RAB1B: variants seen among roughly 807,000 people sequenced by gnomAD.
RAB1B encodes ras-related protein Rab-1B.
RAB1B carries 10 observed loss-of-function variants against 24.8 expected under a neutral mutation model. That is an observed-to-expected ratio of 0.40 (90% confidence interval 0.25 to 0.68). The LOEUF (loss-of-function observed/expected upper bound fraction) is 0.68. Ranked by LOEUF, RAB1B falls within the 30% of genes least tolerant of loss-of-function variation. RAB1B has a pLI of 0.37. For synonymous variants in RAB1B, 99 were observed against 111.7 expected, an observed-to-expected ratio of 0.89 and a Z score of 0.72; for missense variants, 154 against 271.2, an observed-to-expected ratio of 0.57 and a Z score of 3.04.
chr11:66,269,460 G>C (rs1221100423), intron 1 of RAB1B, among the ~76,000 whole-genome samples: 4 of 152,212 alleles, frequency 2.6e-5, no homozygotes, highest in Admixed American at 2.0e-4. Context: ...CACTCCCCCT[G>C]CGGGTAGGTG....
intron 1 of RAB1B, 97 bp from the exon 2 acceptor site, chr11:66,271,700 T>G: frequency 3.7e-6 from 3 of 819,200 alleles, no homozygotes; most frequent in Non-Finnish European, 4.2e-6. Context: ...AACCAAGGGA[T>G]GCCTCATGGG....
At chr11:66,268,843 C>G (rs1353921457) in intron 1 of RAB1B, 150 bp downstream of exon 1, 2 of 811,942 alleles carry the variant, frequency 2.5e-6, no homozygotes, top group East Asian at 3.9e-5. Context: ...CATCCGGGTT[C>G]TGCCCCTCCC....
rs750571114 is a variant in RAB1B, at chr11:66,272,320, A to ACTCTGGAC, written c.184-41_184-34dup. Reference sequence around the variant, plus strand: ...ACCTTGGGAGGGAAGGGACTCTGGGACTCTGGACCTCAGCTGACCTGCTCC... The same window carrying ACTCTGGAC: ...ACCTTGGGAGGGAAGGGACTCTGGGACTCTGGACCTCTGGACCTCAGCTGACCTGCTCC... On this transcript the variant is annotated intron_variant, in intron 3 of 5. Coordinates refer to ENST00000311481, the MANE Select transcript of RAB1B (RefSeq NM_030981.3). 14 of 1,603,426 alleles carry ACTCTGGAC rather than the reference A, an allele frequency of 8.7e-6. No individual in the cohort carries two copies. In the East Asian group the frequency reaches 2.9e-4, roughly 33 times the overall value.
chr11:66,276,480 G>C lies in RAB1B; in HGVS notation c.*242G>C, dbSNP rs191763879. Reference sequence around the variant, plus strand: ...CAGGGCGGAGGCCTGCTGTGCTGTTGCCTCTAGGTGACTTTCCAAGATGCC... The same window carrying C: ...CAGGGCGGAGGCCTGCTGTGCTGTTCCCTCTAGGTGACTTTCCAAGATGCC... On this transcript the variant is annotated 3_prime_UTR_variant, in exon 6 of 6. Transcript: ENST00000311481. 19 of 493,546 alleles carry C rather than the reference G, an allele frequency of 3.8e-5. 1 individual carries two copies. In the Admixed American group the frequency reaches 6.3e-4, roughly 16 times the overall value. The allele number at this position is 493,546 out of a possible 1,614,324, so 30.6% of individuals were successfully genotyped here. A position where few individuals can be genotyped will look rare whatever the true frequency, so the allele number is the denominator to read the frequency against.
chr11:66,271,795 A>G lies in RAB1B; in HGVS notation c.15-2A>G. 1 of 1,613,382 alleles carries G rather than the reference A, an allele frequency of 6.2e-7. No homozygotes were observed. The highest frequency in any genetic ancestry group is 8.5e-7 in the Non-Finnish European group (1 of 1,179,340). ...TCACGCCTTCCCATCTTCTCTCTCC[A>G]GTGACTACCTGTTTAAGCTGCTTTT... is the stretch of plus-strand genomic sequence containing the variant. On this transcript the variant is annotated splice_acceptor_variant, in intron 1 of 5. Transcript: ENST00000311481. LOFTEE classifies it high-confidence loss of function.
intron 1 of RAB1B, chr11:66,271,368 A>T (rs1339291348): frequency 6.3e-6 from 1 of 157,760 alleles, no homozygotes; most frequent in Non-Finnish European, 1.4e-5. Flanking sequence ...GGTGCCTGTA[A>T]TCCCAGCTAC....
intron 1 of RAB1B, 80 bp from the exon 2 acceptor site, chr11:66,271,717 G>A: frequency 1.0e-6 from 1 of 982,776 alleles, no homozygotes; most frequent in South Asian, 1.3e-5. Flanking sequence ...TGGGGTGGGG[G>A]AATCCTGTAA....
chr11:66,273,426 C>T (rs781555562), intron 4 of RAB1B, among the ~76,000 whole-genome samples: 1 of 152,198 alleles, frequency 6.6e-6, no homozygotes, highest in Non-Finnish European at 1.5e-5. Flanking sequence ...CCTCTCGTGG[C>T]TTTGGACACT....
intron 1 of RAB1B, 139 bp from the exon 2 acceptor site, chr11:66,271,658 G>C (rs762666024): frequency 3.2e-6 from 2 of 620,428 alleles, no homozygotes; most frequent in African/African-American, 1.8e-5. Flanking sequence ...GTGACAGAGT[G>C]AGACCTTATT....
intron 4 of RAB1B, among the ~76,000 whole-genome samples, chr11:66,273,220 A>C (rs773092933): frequency 6.6e-5 from 10 of 152,208 alleles, no homozygotes; most frequent in Non-Finnish European, 1.2e-4. Flanking sequence ...CCAATCCCTG[A>C]AGATAAGGAG....
chr11:66,273,954 C>T (rs994317228), intron 4 of RAB1B, among the ~76,000 whole-genome samples: 2 of 152,140 alleles, frequency 1.3e-5, no homozygotes, highest in East Asian at 3.9e-4. Context: ...CCCAAACCAG[C>T]GCCTCTATCC....
In RAB1B at chr11:66,276,133, T is replaced by G; in HGVS notation, c.501T>G (p.Ala167=). 1 of 1,613,422 alleles carries G rather than the reference T, an allele frequency of 6.2e-7. No homozygotes were observed. The highest frequency in any genetic ancestry group is 1.1e-5 in the South Asian group (1 of 90,942). ...NVEQAFMTMA[A]EIKKRMGPGA... Reference sequence around the variant, plus strand: ...AGCAGGCGTTCATGACCATGGCTGCTGAAATCAAAAAGCGGATGGGGCCTG... The same window carrying G: ...AGCAGGCGTTCATGACCATGGCTGCGGAAATCAAAAAGCGGATGGGGCCTG... Residue 167 remains alanine (A), a synonymous_variant, in exon 6 of 6, where the codon GCT becomes GCG. Coordinates refer to ENST00000311481, the MANE Select transcript of RAB1B (RefSeq NM_030981.3).
In RAB1B at chr11:66,268,745, G is replaced by C. The variant is rs776227148; in HGVS notation, c.14+52G>C. The C allele has an allele frequency of 9.9e-6, 15 of 1,520,162 alleles. No individual in the cohort carries two copies. In the South Asian group the frequency reaches 1.1e-4, roughly 11 times the overall value. 94.2% of individuals were successfully genotyped at this position (1,520,162 alleles called of 1,614,324 possible). A position where few individuals can be genotyped will look rare whatever the true frequency, so the allele number is the denominator to read the frequency against. ...AGCGCAGCCTCGATCCCGAATACAGGGCTGTACGCTTACCGGGGTTGTCTG... is the reference window on the plus strand; with the variant it reads ...AGCGCAGCCTCGATCCCGAATACAGCGCTGTACGCTTACCGGGGTTGTCTG... On this transcript the variant is annotated intron_variant, in intron 1 of 5. Transcript: ENST00000311481.
intron 1 of RAB1B, chr11:66,270,880 G>T (rs1857045913): frequency 6.6e-6 from 1 of 152,264 alleles, no homozygotes; most frequent in African/African-American, 2.4e-5. Flanking sequence ...ATCAGGTTAG[G>T]ATACCCAGCT....
intron 2 of RAB1B, 119 bp downstream of exon 2, chr11:66,271,988 C>T: frequency 3.1e-6 from 3 of 966,488 alleles, no homozygotes; most frequent in Non-Finnish European, 5.1e-6. Context: ...AGCTGTAAGA[C>T]CTGCCACCAG....
At position 66,276,267 on chromosome 11, in the gene RAB1B, G is replaced by C; in HGVS notation, c.*29G>C. The C allele has an allele frequency of 6.5e-7, 1 of 1,533,320 alleles. No individual in the cohort carries two copies. The highest frequency in any genetic ancestry group is 2.4e-5 in the Admixed American group (1 of 42,166). The allele number at this position is 1,533,320 out of a possible 1,614,324, so 95.0% of individuals were successfully genotyped here. A position where few individuals can be genotyped will look rare whatever the true frequency, so the allele number is the denominator to read the frequency against. ...GGGCACATGGAGTGGGACAGGAGGG[G>C]GCACCTTCTCCAGATGATGTCCCTG... On this transcript the variant is annotated 3_prime_UTR_variant, in exon 6 of 6. Transcript: ENST00000311481.
At position 66,269,310 on chromosome 11, in the gene RAB1B, G is replaced by T. The variant is rs947265191; in HGVS notation, c.14+617G>T. Among the ~76,000 whole-genome samples, 5 of 152,060 alleles carry T rather than the reference G, an allele frequency of 3.3e-5. No homozygotes were observed. In the East Asian group the frequency reaches 9.7e-4, roughly 29 times the overall value. ...GTCCGTCCTTTCCCGCCCTCTCCTC[G>T]CTTTTGCTCAGGCCCCCAACGCCAC... On this transcript the variant is annotated intron_variant, in intron 1 of 5. Coordinates refer to ENST00000311481, the MANE Select transcript of RAB1B (RefSeq NM_030981.3).
In RAB1B at chr11:66,272,456, A is replaced by G; in HGVS notation, c.275A>G (p.Asp92Gly). The G allele has an allele frequency of 6.3e-7, 1 of 1,583,734 alleles. No homozygotes were observed. The highest frequency in any genetic ancestry group is 8.6e-7 in the Non-Finnish European group (1 of 1,162,358). Reference sequence around the variant, plus strand: ...ATCATCGTGGTGTATGACGTCACTGACCAGGTACTCCTGGACTAGCCATCC... The same window carrying G: ...ATCATCGTGGTGTATGACGTCACTGGCCAGGTACTCCTGGACTAGCCATCC... ...HGIIVVYDVT[D>G]QESYANVKQW... Residue 92 changes from aspartate to glycine, a missense_variant, in exon 4 of 6, where the codon GAC becomes GGC. By Grantham distance (94) the Asp-to-Gly change is moderately conservative. Transcript: ENST00000311481.
At position 66,272,157 on chromosome 11, in the gene RAB1B, G is replaced by A; in HGVS notation, c.88G>A (p.Asp30Asn). The A allele has an allele frequency of 6.2e-7, 1 of 1,610,016 alleles. No homozygotes were observed. Among genetic ancestry groups the A allele is most frequent in the Admixed American group, 1.7e-5 (1 of 60,026 alleles). Residue 30 changes from aspartate (D) to asparagine (N), a missense_variant and splice_region_variant, in exon 3 of 6, where the codon GAT becomes AAT. Physicochemically the swap from Asp to Asn is conservative, Grantham distance 23 (BLOSUM62 1). This residue lies in a region of RAB1B where 77 missense variants were observed against 173.4 expected (regional missense o/e 0.44). Transcript: ENST00000311481. ...ATTTCATTGGCCCCTGAACTTTCAGGATGACACGTACACAGAGAGCTACAT... is the reference window on the plus strand; with the variant it reads ...ATTTCATTGGCCCCTGAACTTTCAGAATGACACGTACACAGAGAGCTACAT... ...GKSCLLLRFA[D>N]DTYTESYIST...
Sources: gnomAD v4.1 joint callset for allele counts (sites outside exome capture counted in the v4.1 genomes callset) on GRCh38, gnomAD v4.1.1 for gene constraint, gnomAD v4.1.1 regional missense constraint, MANE v1.5 for transcripts, NCBI Gene and HGNC (gene_info 2026-07-23, HGNC 2026-07-21) for gene names.